LRRC8A: variants seen among roughly 807,000 people sequenced by gnomAD.
LRRC8A encodes the protein leucine rich repeat containing 8 VRAC subunit A.
LRRC8A carries 24 observed loss-of-function variants against 52.5 expected under a neutral mutation model. The observed-to-expected ratio is 0.46, with a 90% CI of 0.33 to 0.64. The LOEUF (loss-of-function observed/expected upper bound fraction) is 0.64, where lower values mean the gene tolerates loss of function less well. LRRC8A is among the 30% of genes least tolerant of loss of function. LRRC8A has a pLI of 0.02. For missense variants in LRRC8A, 677 were observed against 1,094.7 expected (o/e 0.62, Z 5.38); for synonymous variants, 492 against 494.2 (o/e 1.00, Z 0.06).
chr9:128,913,104 G>T (rs1168246964), intron 3 of LRRC8A, among the ~76,000 whole-genome samples: 2 of 152,174 alleles, frequency 1.3e-5, no homozygotes, highest in Non-Finnish European at 2.9e-5. Flanking sequence ...AGAGCAGAGA[G>T]GGAGAAGGAC....
At chr9:128,890,804 C>T (rs1839585944) in intron 2 of LRRC8A, among the ~76,000 whole-genome samples, 1 of 152,178 alleles carries the variant, frequency 6.6e-6, no homozygotes, top group South Asian at 2.1e-4. Flanking sequence ...GTATTCATAA[C>T]AGGTTAAGAC....
Sources: gnomAD v4.1 joint callset for allele counts (sites outside exome capture counted in the v4.1 genomes callset) on GRCh38, gnomAD v4.1.1 for gene constraint, MANE v1.5 for transcripts, NCBI Gene and HGNC (gene_info 2026-07-23, HGNC 2026-07-21) for gene names.